KCNB2: variants seen among roughly 807,000 people sequenced by gnomAD.
The protein encoded by KCNB2 is delayed rectifier potassium channel protein.
In KCNB2, 15 loss-of-function variants were observed where a neutral mutation model predicts 61.5. That is an observed-to-expected ratio of 0.24 (90% CI 0.16 to 0.38). The LOEUF (loss-of-function observed/expected upper bound fraction) is 0.38. Among genes scored for constraint, KCNB2 ranks in the 10% least tolerant of loss-of-function variants. The probability of loss-of-function intolerance (pLI) is 1.00; values close to 1 mark genes in which losing one functional copy is unlikely to be tolerated. For missense variants in KCNB2, 828 were observed against 1,125.2 expected (o/e 0.74, Z 3.78); for synonymous variants, 457 against 446.0 (o/e 1.02, Z -0.31).
chr8:72,800,532 G>T (rs1254679803), intron 2 of KCNB2, among the ~76,000 whole-genome samples: 1 of 152,038 alleles, frequency 6.6e-6, no homozygotes, highest in African/African-American at 2.4e-5. Flanking sequence ...TCCCCAATGA[G>T]GCCAATAGCT....
intron 2 of KCNB2, among the ~76,000 whole-genome samples, chr8:72,913,229 C>T (rs1244431564): frequency 5.9e-5 from 9 of 152,098 alleles, no homozygotes; most frequent in Admixed American, 5.2e-4. Flanking sequence ...AGGGGCAGAG[C>T]ATGATCGAAC....
intron 2 of KCNB2, among the ~76,000 whole-genome samples, chr8:72,732,551 A>G (rs541486720): frequency 2.6e-5 from 4 of 152,336 alleles, no homozygotes; most frequent in Non-Finnish European, 4.4e-5. Flanking sequence ...TTGTTTTTCA[A>G]AGGATTTTTG....
At chr8:72,916,637 G>C (rs755737705) in intron 2 of KCNB2, among the ~76,000 whole-genome samples, 1 of 152,206 alleles carries the variant, frequency 6.6e-6, no homozygotes, top group African/African-American at 2.4e-5. Flanking sequence ...TGGCACCCAA[G>C]TTCTTATCTG....
intron 2 of KCNB2, among the ~76,000 whole-genome samples, chr8:72,709,836 T>C (rs915324270): frequency 2.6e-5 from 4 of 152,182 alleles, no homozygotes; most frequent in African/African-American, 9.6e-5. Flanking sequence ...AGCATGGCTC[T>C]GTTTCATGAT....
intron 2 of KCNB2, among the ~76,000 whole-genome samples, chr8:72,931,999 C>G (rs1721255632): frequency 6.9e-6 from 1 of 145,240 alleles, no homozygotes; most frequent in Non-Finnish European, 1.5e-5. Context: ...GGCAACGGAG[C>G]CAGACACTGT....
At chr8:72,804,402 G>A (rs1585903096) in intron 2 of KCNB2, among the ~76,000 whole-genome samples, 1 of 152,094 alleles carries the variant, frequency 6.6e-6, no homozygotes, top group South Asian at 2.1e-4. Context: ...ATCAGGATAT[G>A]AAAACTGCTA....
chr8:72,707,833 A>T (rs1350665402), intron 2 of KCNB2, among the ~76,000 whole-genome samples: 1 of 152,208 alleles, frequency 6.6e-6, no homozygotes, highest in Non-Finnish European at 1.5e-5. Context: ...ATCAGCCAGC[A>T]GGAAACAGAC....
At chr8:72,720,865 T>A (rs1014252244) in intron 2 of KCNB2, among the ~76,000 whole-genome samples, 5 of 152,214 alleles carry the variant, frequency 3.3e-5, no homozygotes, top group African/African-American at 1.2e-4. Flanking sequence ...ATACTTTTCG[T>A]TATAACTCTC....
At chr8:72,855,974 T>C (rs1563405889) in intron 2 of KCNB2, among the ~76,000 whole-genome samples, 2 of 152,334 alleles carry the variant, frequency 1.3e-5, no homozygotes, top group Admixed American at 6.5e-5. Flanking sequence ...GCTCTGAAGA[T>C]AGTTGTTACA....
chr8:72,617,996 G>C (rs971312809), intron 2 of KCNB2, among the ~76,000 whole-genome samples: 1 of 152,084 alleles, frequency 6.6e-6, no homozygotes, highest in Non-Finnish European at 1.5e-5. Flanking sequence ...ATGACATCTG[G>C]AGTCTTTCAT....
intron 2 of KCNB2, among the ~76,000 whole-genome samples, chr8:72,656,188 A>G (rs1043255729): frequency 3.9e-5 from 6 of 152,136 alleles, no homozygotes; most frequent in African/African-American, 1.2e-4. Flanking sequence ...TTCTTAGGAA[A>G]ATTGACATCT....
chr8:72,600,876 A>G (rs1301188974), intron 2 of KCNB2, among the ~76,000 whole-genome samples: 1 of 152,152 alleles, frequency 6.6e-6, no homozygotes, highest in Non-Finnish European at 1.5e-5. Context: ...ATCAGAAAAA[A>G]TAACTAATAG....
At chr8:72,623,731 C>A (rs4738270) in intron 2 of KCNB2, among the ~76,000 whole-genome samples, 98,092 of 151,948 alleles carry the variant, frequency 0.65, 32,039 homozygotes, top group Admixed American at 0.73. Flanking sequence ...CACCTGTATT[C>A]GGTTAATTAA....
At position 72,631,435 on chromosome 8, in the gene KCNB2, T is replaced by C. The variant is rs552230712; in HGVS notation, c.579+63122T>C. Among the ~76,000 whole-genome samples the C allele has an allele frequency of 2.0e-5, 3 of 152,350 alleles. No individual in the cohort carries two copies. The South Asian group carries it at 6.2e-4, about 32-fold the overall frequency. The stretch of plus-strand genomic sequence containing the variant: ...TTGGCTTTTGTGGCATCACTCCAAC[T>C]CTGTCTTCATCTTCACATGGTGTTC... On this transcript the variant is annotated intron_variant, in intron 2 of 2. Transcript: ENST00000523207.
intron 2 of KCNB2, among the ~76,000 whole-genome samples, chr8:72,816,681 T>C (rs1225564940): frequency 6.6e-6 from 1 of 152,208 alleles, no homozygotes. Context: ...CCCTAAAACC[T>C]CAACTCTTGA....
chr8:72,934,043 T>C (rs1806845567), intron 2 of KCNB2, among the ~76,000 whole-genome samples: 1 of 152,066 alleles, frequency 6.6e-6, no homozygotes, highest in African/African-American at 2.4e-5. Context: ...TTTCACTTTA[T>C]AGCAATTTAA....
At chr8:72,560,494 A>C (rs2128978096) in intron 1 of KCNB2, among the ~76,000 whole-genome samples, 1 of 152,234 alleles carries the variant, frequency 6.6e-6, no homozygotes, top group African/African-American at 2.4e-5. Flanking sequence ...GTACCAGTAG[A>C]TTCTCTGTTG....
intron 2 of KCNB2, among the ~76,000 whole-genome samples, chr8:72,784,240 A>T (rs747637616): frequency 1.3e-5 from 2 of 152,212 alleles, no homozygotes; most frequent in Admixed American, 1.3e-4. Context: ...TCTTTTGATC[A>T]GCAGCTCCCC....
At chr8:72,707,455 C>T (rs1311118481) in intron 2 of KCNB2, among the ~76,000 whole-genome samples, 1 of 152,114 alleles carries the variant, frequency 6.6e-6, no homozygotes, top group East Asian at 1.9e-4. Context: ...GGTTGGGTTC[C>T]TTGGGTCTTT....
Sources: gnomAD v4.1 joint callset for allele counts (sites outside exome capture counted in the v4.1 genomes callset) on GRCh38, gnomAD v4.1.1 for gene constraint, MANE v1.5 for transcripts, NCBI Gene and HGNC (gene_info 2026-07-23, HGNC 2026-07-21) for gene names.